Variants in OR5H14 observed in about 807,000 individuals in gnomAD.
OR5H14 encodes the protein olfactory receptor 5H14.
For synonymous variants in OR5H14, 155 were observed against 130.6 expected (o/e 1.19, Z -1.28); for missense variants, 392 against 363.9 (o/e 1.08, Z -0.63).
chr3:98,149,573 T>C lies in OR5H14; in HGVS notation c.188T>C (p.Leu63Pro). ...PHLHIPMYLL[L>P]GNLAFVDALL... is the part of the protein sequence containing the mutation. The stretch of plus-strand genomic sequence containing the variant: ...CTTCATATCCCAATGTACTTACTCC[T>C]TGGGAATTTAGCTTTTGTGGATGCT... The change falls in exon 2 of 2, where the codon CTT (leucine) becomes CCT (proline). Residue 63 changes from leucine to proline, a missense_variant. Physicochemically the swap from Leu to Pro is moderately conservative, Grantham distance 98. Coordinates refer to ENST00000641380, the MANE Select transcript of OR5H14 (RefSeq NM_001005514.2). The C allele has an allele frequency of 6.2e-7, 1 of 1,613,566 alleles. No individual in the cohort carries two copies. The highest frequency in any genetic ancestry group is 1.3e-5 in the African/African-American group (1 of 75,012).
chr3:98,150,109 G>T lies in OR5H14; in HGVS notation c.724G>T (p.Gly242Ter). ...KGMRKAFSTC[G>*]AHLLSVSLYY... Reference sequence around the variant, plus strand: ...TATGAGAAAAGCCTTCTCCACCTGTGGAGCTCATCTCTTATCTGTATCTTT... The same window carrying T: ...TATGAGAAAAGCCTTCTCCACCTGTTGAGCTCATCTCTTATCTGTATCTTT... The change falls in exon 2 of 2, where the codon GGA becomes TGA. Residue 242 changes from glycine to a stop codon, truncating the protein, a stop_gained. Transcript: ENST00000641380. LOFTEE classifies it low-confidence loss of function (END_TRUNC). 6.2e-7 allele frequency: 1 copy of T among 1,610,336 alleles called. No individual in the cohort carries two copies. Among genetic ancestry groups the T allele is most frequent in the Non-Finnish European group, 8.5e-7 (1 of 1,178,976 alleles).
At position 98,152,765 on chromosome 3, in the gene OR5H14, A is replaced by G. The variant is rs753660578; in HGVS notation, c.*2447A>G. The G allele has an allele frequency of 6.6e-6, 1 of 152,176 alleles. No homozygotes were observed. Among genetic ancestry groups the G allele is most frequent in the African/African-American group, 2.4e-5 (1 of 41,438 alleles). 9.4% of individuals were successfully genotyped at this position (152,176 alleles called of 1,614,324 possible). ...AAAACGCCATGGCACATGTGTACCT[A>G]TGTAACAACCTGCACATGTATCCCA... On this transcript the variant is annotated 3_prime_UTR_variant, in exon 2 of 2. Coordinates refer to ENST00000641380, the MANE Select transcript of OR5H14 (RefSeq NM_001005514.2).
Position 98,148,850 on chromosome 3 carries a change from T to A in OR5H14, c.-18-518T>A, listed in dbSNP as rs559953271. 2.4e-4 allele frequency among the ~76,000 whole-genome samples: 37 copies of A among 152,194 alleles called. No homozygotes were observed. The South Asian group carries it at 3.5e-3, about 14-fold the overall frequency. On this transcript the variant is annotated intron_variant, in intron 1 of 1. Coordinates refer to ENST00000641380, the MANE Select transcript of OR5H14 (RefSeq NM_001005514.2). ...GATAATTTTTATGTGTGATCTGGTT[T>A]GGGATTGCTGGAACCTTAGTAACAA...
Position 98,154,545 on chromosome 3 carries a change from A to G in OR5H14, c.*4227A>G, listed in dbSNP as rs962751281. ...GAAGGCAGGCCTGGTTCATCTGAGG[A>G]CGTGACTTTATAAGGCATTTATCTA... On this transcript the variant is annotated 3_prime_UTR_variant, in exon 2 of 2. Coordinates refer to ENST00000641380, the MANE Select transcript of OR5H14 (RefSeq NM_001005514.2). 1.3e-5 allele frequency: 2 copies of G among 151,858 alleles called. No homozygotes were observed. The highest frequency in any genetic ancestry group is 2.9e-5 in the Non-Finnish European group (2 of 67,952). 9.4% of individuals were successfully genotyped at this position (151,858 alleles called of 1,614,324 possible). A position where few individuals can be genotyped will look rare whatever the true frequency, so the allele number is the denominator to read the frequency against.
intron 1 of OR5H14, 144 bp from the exon 2 acceptor site, chr3:98,149,224 C>T: frequency 1.1e-6 from 1 of 873,738 alleles, no homozygotes; most frequent in Middle Eastern, 3.6e-4. Flanking sequence ...ATTTCTTTAA[C>T]CCCTTATAGG....
rs1386293763 is a variant in OR5H14, at chr3:98,149,911, CA to C, written c.527del (p.His176ProfsTer10). The C allele has an allele frequency of 6.2e-7, 1 of 1,613,308 alleles. No individual in the cohort carries two copies. Among genetic ancestry groups the C allele is most frequent in the Non-Finnish European group, 8.5e-7 (1 of 1,179,702 alleles). Reference protein sequence around the residue: ...LTFCNSNIIQHFYCDIIPLLK... With the variant: ...LTFCNSNIIQXFYCDIIPLLK... ...CTTCTGTAACTCCAACATAATACAACACTTTTACTGTGACATTATCCCATTG... is the reference window on the plus strand; with the variant it reads ...CTTCTGTAACTCCAACATAATACAACCTTTTACTGTGACATTATCCCATTG... On this transcript the variant is annotated frameshift_variant, in exon 2 of 2. Transcript: ENST00000641380. LOFTEE classifies it low-confidence loss of function (END_TRUNC).
chr3:98,150,549 A>C lies in OR5H14; in HGVS notation c.*231A>C, dbSNP rs1402335558. On this transcript the variant is annotated 3_prime_UTR_variant, in exon 2 of 2. Transcript: ENST00000641380. ...TAATAGAATAATGATAGCAGAAGCAAATAAAAATATTGTACAGTATGGTAT... is the reference window on the plus strand; with the variant it reads ...TAATAGAATAATGATAGCAGAAGCACATAAAAATATTGTACAGTATGGTAT... 1.1e-5 allele frequency: 4 copies of C among 362,932 alleles called. No individual in the cohort carries two copies. Among genetic ancestry groups the C allele is most frequent in the Non-Finnish European group, 2.0e-5 (4 of 201,956 alleles). 22.5% of individuals were successfully genotyped at this position (362,932 alleles called of 1,614,324 possible).
intron 1 of OR5H14, 60 bp from the exon 2 acceptor site, chr3:98,149,308 C>A: frequency 1.3e-6 from 2 of 1,542,172 alleles, no homozygotes; most frequent in Non-Finnish European, 1.8e-6. Flanking sequence ...ACCTCTTTCC[C>A]AATTTCAACT....
rs541769203 is a variant in OR5H14, at chr3:98,149,372, C to T, written c.-14C>T. On this transcript the variant is annotated 5_prime_UTR_variant, in exon 2 of 2. Transcript: ENST00000641380. ...ATTTGTTGCATTTTATTTTAGAGGA[C>T]ATGCAGTGAGGACATGGAAGAGGAA... 1.2e-6 allele frequency: 2 copies of T among 1,611,456 alleles called. No homozygotes were observed. The highest frequency in any genetic ancestry group is 4.5e-5 in the East Asian group (2 of 44,826).
At chr3:98,149,284 C>G in intron 1 of OR5H14, 84 bp from the exon 2 acceptor site, 1 of 1,386,630 alleles carries the variant, frequency 7.2e-7, no homozygotes, top group South Asian at 1.4e-5. Flanking sequence ...GATAATTGCA[C>G]ACTTTATATC....
At chr3:98,148,399 C>T (rs1173444212) in intron 1 of OR5H14, among the ~76,000 whole-genome samples, 1 of 152,008 alleles carries the variant, frequency 6.6e-6, no homozygotes, top group Non-Finnish European at 1.5e-5. Flanking sequence ...GTGCCTTTGA[C>T]TATCACAATA....
chr3:98,147,813 T>C (rs969017173), intron 1 of OR5H14, among the ~76,000 whole-genome samples: 31 of 152,078 alleles, frequency 2.0e-4, no homozygotes, highest in Admixed American at 1.7e-3. Context: ...TCATATGATC[T>C]AGATCATTAA....
At chr3:98,149,045 C>A (rs1708460129) in intron 1 of OR5H14, among the ~76,000 whole-genome samples, 1 of 152,006 alleles carries the variant, frequency 6.6e-6, no homozygotes, top group Non-Finnish European at 1.5e-5. Context: ...TTTATTTCAT[C>A]TGGATATTCA....
At position 98,155,100 on chromosome 3, in the gene OR5H14, C is replaced by T. The variant is rs1168932470; in HGVS notation, c.*4782C>T. 1.3e-5 allele frequency: 2 copies of T among 152,132 alleles called. No individual in the cohort carries two copies. Among genetic ancestry groups the T allele is most frequent in the African/African-American group, 2.4e-5 (1 of 41,418 alleles). The allele number at this position is 152,132 out of a possible 1,614,324, so 9.4% of individuals were successfully genotyped here. A position where few individuals can be genotyped will look rare whatever the true frequency, so the allele number is the denominator to read the frequency against. ...CATTCAGAATGGTAAAAGGACTCCTCTAGTTTTGTGACCACCCCCCTGCTG... is the reference window on the plus strand; with the variant it reads ...CATTCAGAATGGTAAAAGGACTCCTTTAGTTTTGTGACCACCCCCCTGCTG... On this transcript the variant is annotated 3_prime_UTR_variant, in exon 2 of 2. Coordinates refer to ENST00000641380, the MANE Select transcript of OR5H14 (RefSeq NM_001005514.2).
At position 98,154,185 on chromosome 3, in the gene OR5H14, A is replaced by C. The variant is rs537122406; in HGVS notation, c.*3867A>C. The C allele has an allele frequency of 6.6e-6, 1 of 152,174 alleles. No homozygotes were observed. The highest frequency in any genetic ancestry group is 2.4e-5 in the African/African-American group (1 of 41,444). The allele number at this position is 152,174 out of a possible 1,614,324, so 9.4% of individuals were successfully genotyped here. ...ATTCCTGTTTTGTTTATAAGATTACATGTCAGACCAGTGGATTTTTGAGGA... is the reference window on the plus strand; with the variant it reads ...ATTCCTGTTTTGTTTATAAGATTACCTGTCAGACCAGTGGATTTTTGAGGA... On this transcript the variant is annotated 3_prime_UTR_variant, in exon 2 of 2. Coordinates refer to ENST00000641380, the MANE Select transcript of OR5H14 (RefSeq NM_001005514.2).
At position 98,149,851 on chromosome 3, in the gene OR5H14, GC is replaced by G; in HGVS notation, c.467del (p.Ala156ValfsTer2). On this transcript the variant is annotated frameshift_variant, in exon 2 of 2. Coordinates refer to ENST00000641380, the MANE Select transcript of OR5H14 (RefSeq NM_001005514.2). LOFTEE classifies it low-confidence loss of function (END_TRUNC). The part of the protein sequence containing the change: ...ILSYVGGLLH[A>X]LIHEGFLFRL... ...GTCATATGTAGGTGGTCTTCTTCAT[GC>G]TTTAATCCATGAAGGATTTTTATTC... The G allele has an allele frequency of 6.2e-7, 1 of 1,613,038 alleles. No homozygotes were observed. The highest frequency in any genetic ancestry group is 8.5e-7 in the Non-Finnish European group (1 of 1,179,728).
At chr3:98,147,956 A>G (rs1025835917) in intron 1 of OR5H14, 1 of 152,020 alleles carries the variant, frequency 6.6e-6, no homozygotes, top group South Asian at 2.1e-4. Context: ...AGTCACCTAC[A>G]GATAAACTCC....
rs749628663 is a variant in OR5H14, at chr3:98,149,943, G to T, written c.558G>T (p.Lys186Asn). ...HFYCDIIPLL[K>N]ISYTDSSINF... The stretch of plus-strand genomic sequence containing the variant: ...ACTGTGACATTATCCCATTGTTAAA[G>T]ATTTCTTATACTGATTCCTCTATTA... The change falls in exon 2 of 2, where the codon AAG (lysine) becomes AAT (asparagine). Residue 186 changes from lysine to asparagine, a missense_variant. By Grantham distance (94) the Lys-to-Asn change is moderately conservative. Coordinates refer to ENST00000641380, the MANE Select transcript of OR5H14 (RefSeq NM_001005514.2). The T allele has an allele frequency of 2.5e-6, 4 of 1,613,260 alleles. No homozygotes were observed. The highest frequency in any genetic ancestry group is 2.5e-6 in the Non-Finnish European group (3 of 1,179,654).
At position 98,153,499 on chromosome 3, in the gene OR5H14, C is replaced by T. The variant is rs79210960; in HGVS notation, c.*3181C>T. The stretch of plus-strand genomic sequence containing the variant: ...TTATGAGGCTGTGGCAGGAGAATCA[C>T]TTAAACCCAGGAGTGGGAGGTTGCA... On this transcript the variant is annotated 3_prime_UTR_variant, in exon 2 of 2. Transcript: ENST00000641380. The T allele has an allele frequency of 6.6e-6, 1 of 152,158 alleles. No homozygotes were observed. Among genetic ancestry groups the T allele is most frequent in the African/African-American group, 2.4e-5 (1 of 41,438 alleles). The allele number at this position is 152,158 out of a possible 1,614,324, so 9.4% of individuals were successfully genotyped here.
Sources: gnomAD v4.1 joint callset for allele counts (sites outside exome capture counted in the v4.1 genomes callset) on GRCh38, gnomAD v4.1.1 for gene constraint, MANE v1.5 for transcripts, NCBI Gene and HGNC (gene_info 2026-07-23, HGNC 2026-07-21) for gene names.